The following ZDHHC13 variants were observed in gnomAD, a reference collection of about 807,000 sequenced individuals.
The protein encoded by ZDHHC13 is zDHHC palmitoyltransferase 13.
Under a neutral mutation model 86.0 loss-of-function variants are expected in ZDHHC13, and 85 were observed. That is an observed-to-expected ratio of 0.99 (90% CI 0.83 to 1.18). The LOEUF is 1.18. Among genes scored for constraint, ZDHHC13 ranks in the 50% most tolerant of loss-of-function variants. The pLI is 0.00. For missense variants in ZDHHC13, 711 were observed against 730.2 expected (o/e 0.97, Z 0.30); for synonymous variants, 263 against 246.4 (o/e 1.07, Z -0.63).
Position 19,146,262 on chromosome 11 carries a change from T to C in ZDHHC13, c.255T>C (p.Leu85=). 6.2e-7 allele frequency: 1 copy of C among 1,613,446 alleles called. No homozygotes were observed. Among genetic ancestry groups the C allele is most frequent in the Non-Finnish European group, 8.5e-7 (1 of 1,179,662 alleles). ...AACCAGATAAAGAAAATGTGTCGCT[T>C]CTTCATTGGGCTGCTATTAACAACA... ...VRQPDKENVS[L]LHWAAINNRL... The change falls in exon 3 of 17, where the codon CTT becomes CTC. Residue 85 remains leucine (L), a synonymous_variant. Coordinates refer to ENST00000446113, the MANE Select transcript of ZDHHC13 (RefSeq NM_019028.3).
chr11:19,150,755 A>G lies in ZDHHC13; in HGVS notation c.548A>G (p.Gln183Arg). The change falls in exon 6 of 17, where the codon CAG becomes CGG. Residue 183 changes from glutamine to arginine, a missense_variant. By Grantham distance (43) the Gln-to-Arg change is conservative (BLOSUM62 1). Transcript: ENST00000446113. ...QSVNMTDVNG[Q>R]TPLMLSAHKV... ...GTGAATATGACAGATGTAAATGGGC[A>G]GACACCTCTCATGTTATCAGCTCAC... 6.2e-7 allele frequency: 1 copy of G among 1,611,146 alleles called. No individual in the cohort carries two copies. The highest frequency in any genetic ancestry group is 8.5e-7 in the Non-Finnish European group (1 of 1,177,860).
chr11:19,137,770 C>T (rs1376713397), intron 1 of ZDHHC13, among the ~76,000 whole-genome samples: 1 of 152,358 alleles, frequency 6.6e-6, no homozygotes, highest in South Asian at 2.1e-4. Context: ...CTCAAAACCG[C>T]TCAACTACAT....
At chr11:19,139,180 A>G (rs886956599) in intron 1 of ZDHHC13, among the ~76,000 whole-genome samples, 2 of 151,782 alleles carry the variant, frequency 1.3e-5, no homozygotes, top group African/African-American at 4.8e-5. Context: ...GTCTCAGCCC[A>G]AAATCTCCTT....
chr11:19,153,613 C>T (rs983916525), intron 8 of ZDHHC13, among the ~76,000 whole-genome samples: 1 of 152,096 alleles, frequency 6.6e-6, no homozygotes, highest in African/African-American at 2.4e-5. Flanking sequence ...GGTAGGGTGC[C>T]CCAGGATTTT....
chr11:19,172,592 TG>T, intron 15 of ZDHHC13, 130 bp from the exon 16 acceptor site: 1 of 592,896 alleles, frequency 1.7e-6, no homozygotes. Flanking sequence ...ACTTTTTCTT[TG>T]TCCCTTTTCA....
At chr11:19,175,170 C>T (rs188734661) in intron 16 of ZDHHC13, among the ~76,000 whole-genome samples, 208 of 151,728 alleles carry the variant, frequency 1.4e-3, no homozygotes, top group African/African-American at 4.8e-3. Context: ...GGGCGGATCA[C>T]GAGGTCAGGA....
intron 12 of ZDHHC13, 167 bp downstream of exon 12, chr11:19,164,530 G>A: frequency 1.6e-6 from 1 of 639,230 alleles, no homozygotes; most frequent in Non-Finnish European, 2.7e-6. Context: ...ACATATGGCA[G>A]AATGATGTTT....
At chr11:19,134,065 G>A (rs1207314335) in intron 1 of ZDHHC13, among the ~76,000 whole-genome samples, 1 of 151,596 alleles carries the variant, frequency 6.6e-6, no homozygotes, top group Admixed American at 6.6e-5. Flanking sequence ...AGGAAATTCT[G>A]AAAACATTTC....
chr11:19,156,739 C>T (rs752888427), intron 9 of ZDHHC13, among the ~76,000 whole-genome samples: 4 of 152,154 alleles, frequency 2.6e-5, no homozygotes, highest in Admixed American at 6.5e-5. Context: ...TCCCTACCTG[C>T]CTGTCTCCAT....
intron 1 of ZDHHC13, among the ~76,000 whole-genome samples, chr11:19,130,844 T>G (rs1848982166): frequency 6.6e-6 from 1 of 151,734 alleles, no homozygotes; most frequent in African/African-American, 2.4e-5. Context: ...CAGACTGGTT[T>G]TTTTTGTTTT....
chr11:19,128,904 G>T (rs181796659), intron 1 of ZDHHC13, among the ~76,000 whole-genome samples: 13 of 152,180 alleles, frequency 8.5e-5, no homozygotes, highest in African/African-American at 2.9e-4. Context: ...GTTGATCAGA[G>T]CAGTAGTTTA....
chr11:19,153,210 T>A (rs1414594817), intron 8 of ZDHHC13, among the ~76,000 whole-genome samples: 1 of 151,870 alleles, frequency 6.6e-6, no homozygotes, highest in East Asian at 1.9e-4. Flanking sequence ...ATTTTATTCA[T>A]TTTTTTTAGC....
At chr11:19,147,750 G>A (rs529137102) in intron 4 of ZDHHC13, 77 bp downstream of exon 4, 15 of 841,830 alleles carry the variant, frequency 1.8e-5, no homozygotes, top group African/African-American at 3.3e-5. Flanking sequence ...AGTTATAGAC[G>A]ATTTGAAAGG....
At chr11:19,134,559 G>A (rs1304565894) in intron 1 of ZDHHC13, among the ~76,000 whole-genome samples, 4 of 152,178 alleles carry the variant, frequency 2.6e-5, no homozygotes, top group Non-Finnish European at 4.4e-5. Flanking sequence ...CTTTTGTAGG[G>A]ACATGGATGA....
chr11:19,175,695 C>T lies in ZDHHC13; in HGVS notation c.1731-127C>T, dbSNP rs539401388. The stretch of plus-strand genomic sequence containing the variant: ...AGAAGCCCAGGAACTATCTGATCTA[C>T]CCCATCTACCCCTGGATTTCTGCAA... On this transcript the variant is annotated intron_variant, in intron 16 of 16. Coordinates refer to ENST00000446113, the MANE Select transcript of ZDHHC13 (RefSeq NM_019028.3). 1.1e-3 allele frequency: 1,137 copies of T among 1,045,406 alleles called. 18 individuals carry two copies. The South Asian group carries it at 0.014, about 13-fold the overall frequency. 64.8% of individuals were successfully genotyped at this position (1,045,406 alleles called of 1,614,324 possible).
chr11:19,152,552 T>C lies in ZDHHC13; in HGVS notation c.748-7T>C. ...CTTTTAAACTTTTTACCCTACTCTT[T>C]TTTAAGGGAGAAACACCTCTTGATA... On this transcript the variant is annotated splice_polypyrimidine_tract_variant and splice_region_variant and intron_variant, in intron 7 of 16. Transcript: ENST00000446113. 6.3e-7 allele frequency: 1 copy of C among 1,595,982 alleles called. No individual in the cohort carries two copies. Among genetic ancestry groups the C allele is most frequent in the South Asian group, 1.1e-5 (1 of 87,218 alleles).
intron 2 of ZDHHC13, 51 bp from the exon 3 acceptor site, chr11:19,146,130 T>C: frequency 6.6e-7 from 1 of 1,504,200 alleles, no homozygotes; most frequent in South Asian, 1.3e-5. Flanking sequence ...AATTTTGATA[T>C]TTGAAATGAT....
intron 1 of ZDHHC13, among the ~76,000 whole-genome samples, chr11:19,141,818 A>G (rs1565027321): frequency 6.6e-6 from 1 of 152,066 alleles, no homozygotes; most frequent in Non-Finnish European, 1.5e-5. Context: ...TTAGCTTGCC[A>G]TGTGCTGCTG....
chr11:19,134,630 T>C (rs1849081715), intron 1 of ZDHHC13, among the ~76,000 whole-genome samples: 1 of 151,918 alleles, frequency 6.6e-6, no homozygotes, highest in East Asian at 2.0e-4. Context: ...CACTGCATGT[T>C]CTCACTCATA....
Sources: allele counts gnomAD v4.1 joint callset (sites outside exome capture counted in the v4.1 genomes callset), GRCh38; gene constraint gnomAD v4.1.1; transcripts MANE v1.5; gene names NCBI Gene and HGNC (gene_info 2026-07-23, HGNC 2026-07-21).